Variants in PDLIM3 observed in about 807,000 individuals in gnomAD.
The protein encoded by PDLIM3 is PDZ and LIM domain protein 3.
A neutral mutation model predicts 37.3 loss-of-function variants in PDLIM3; 36 were observed. The observed-to-expected ratio is 0.97, with a 90% CI of 0.74 to 1.28. PDLIM3 has a LOEUF of 1.28. Among genes scored for constraint, PDLIM3 ranks in the 50% most tolerant of loss-of-function variants. PDLIM3 has a pLI of 0.00. For synonymous variants in PDLIM3, 174 were observed against 182.4 expected, an observed-to-expected ratio of 0.95 and a Z score of 0.37; for missense variants, 454 against 485.0, an observed-to-expected ratio of 0.94 and a Z score of 0.60.
At chr4:185,512,989 C>T in intron 4 of PDLIM3, 3 of 985,360 alleles carry the variant, frequency 3.0e-6, no homozygotes, top group Non-Finnish European at 3.6e-6. Context: ...TTGCCACTTG[C>T]TTGGGAAATG....
At chr4:185,528,887 G>T (rs949371651) in intron 1 of PDLIM3, among the ~76,000 whole-genome samples, 1 of 152,246 alleles carries the variant, frequency 6.6e-6, no homozygotes, top group East Asian at 1.9e-4. Flanking sequence ...TAAGTTAAAC[G>T]ATCTGTTTTC....
At chr4:185,523,494 C>CA (rs1301528314) in intron 2 of PDLIM3, 48 bp from the exon 3 acceptor site, 1 of 1,153,506 alleles carries the variant, frequency 8.7e-7, no homozygotes, top group Non-Finnish European at 1.3e-6. Context: ...ATGGTACTTT[C>CA]AGTTTTAGCA....
chr4:185,534,627 C>T (rs192852047), intron 1 of PDLIM3, among the ~76,000 whole-genome samples: 1 of 152,268 alleles, frequency 6.6e-6, no homozygotes, highest in East Asian at 1.9e-4. Flanking sequence ...CATTATTTTC[C>T]GTTTTAGGCT....
intron 1 of PDLIM3, among the ~76,000 whole-genome samples, chr4:185,525,468 T>G (rs1203243456): frequency 1.3e-5 from 2 of 152,228 alleles, no homozygotes; most frequent in African/African-American, 4.8e-5. Context: ...TAAAAAATTA[T>G]TTTTTATTTT....
chr4:185,513,689 A>C, intron 4 of PDLIM3: 3 of 1,000,086 alleles, frequency 3.0e-6, no homozygotes, highest in Admixed American at 5.3e-5. Flanking sequence ...AGCTGAGGTC[A>C]GAAGGATGGA....
chr4:185,515,121 A>T lies in PDLIM3; in HGVS notation c.331-784T>A, dbSNP rs543255164. ...TGAAAAGGAACTGACCTTATTTAACATATTATAAAATAATTTAAACATTGC... is the reference window on the plus strand; with the variant it reads ...TGAAAAGGAACTGACCTTATTTAACTTATTATAAAATAATTTAAACATTGC... On this transcript the variant is annotated intron_variant, in intron 3 of 7. Transcript: ENST00000284767. 36 of 328,716 alleles carry T rather than the reference A, an allele frequency of 1.1e-4. No individual in the cohort carries two copies. The East Asian group carries it at 1.6e-3, about 15-fold the overall frequency. The allele number at this position is 328,716 out of a possible 1,614,324, so 20.4% of individuals were successfully genotyped here.
intron 4 of PDLIM3, among the ~76,000 whole-genome samples, chr4:185,511,928 T>G (rs2095707214): frequency 6.6e-6 from 1 of 152,100 alleles, no homozygotes; most frequent in Admixed American, 6.6e-5. Flanking sequence ...AAAACTACAT[T>G]TGTTTTAAAA....
Position 185,504,281 on chromosome 4 carries a change from T to A in PDLIM3, c.905+194A>T, listed in dbSNP as rs1403589639. Among the ~76,000 whole-genome samples the A allele has an allele frequency of 1.3e-5, 2 of 152,168 alleles. No individual in the cohort carries two copies. Among genetic ancestry groups the A allele is most frequent in the African/African-American group, 4.8e-5 (2 of 41,438 alleles). On this transcript the variant is annotated intron_variant, in intron 7 of 7. Transcript: ENST00000284767. The surrounding 1 kb of genome is among the most constrained non-coding windows in gnomAD (Gnocchi z 4.7). ...ATTGTAAGTCAAAATTGCTGACTCA[T>A]GTGATGTGACAATTTGGAGGTATAT...
chr4:185,508,275 A>G (rs372460406), intron 5 of PDLIM3, 24 bp downstream of exon 5: 32 of 1,611,688 alleles, frequency 2.0e-5, no homozygotes, highest in Admixed American at 3.3e-5. Flanking sequence ...TAATATGCCC[A>G]TGGTTCAAAG....
intron 3 of PDLIM3, chr4:185,515,135 T>C (rs2153335838): frequency 3.3e-6 from 1 of 301,132 alleles, no homozygotes; most frequent in East Asian, 5.7e-5. Context: ...TATAAAATAA[T>C]TTAAACATTG....
Position 185,521,379 on chromosome 4 carries a change from A to G in PDLIM3, c.330+1983T>C, listed in dbSNP as rs1299435572. 4.1e-5 allele frequency among the ~76,000 whole-genome samples: 2 copies of G among 49,140 alleles called. 1 individual carries two copies. Among genetic ancestry groups the G allele is most frequent in the Non-Finnish European group, 1.7e-4 (2 of 11,726 alleles). 32.2% of individuals were successfully genotyped at this position (49,140 alleles called of 152,430 possible). A position where few individuals can be genotyped will look rare whatever the true frequency, so the allele number is the denominator to read the frequency against. The stretch of plus-strand genomic sequence containing the variant: ...AAGTCTTACCTAGCCTAAGTATCCC[A>G]CTCAACTTTCTTTTCTTTTCTTTTT... On this transcript the variant is annotated intron_variant, in intron 3 of 7. Transcript: ENST00000284767.
intron 1 of PDLIM3, among the ~76,000 whole-genome samples, chr4:185,529,311 G>T (rs992768478): frequency 2.0e-5 from 3 of 151,962 alleles, no homozygotes; most frequent in African/African-American, 4.8e-5. Context: ...TATATTACTT[G>T]GATCTGTTGG....
Position 185,522,912 on chromosome 4 carries a change from TAAA to T in PDLIM3, c.330+447_330+449del, listed in dbSNP as rs1436003014. Among the ~76,000 whole-genome samples, 2 of 25,422 alleles carry T rather than the reference TAAA, an allele frequency of 7.9e-5. 1 individual carries two copies. The highest frequency in any genetic ancestry group is 2.0e-3 in the Admixed American group (2 of 1,006). 16.7% of individuals were successfully genotyped at this position (25,422 alleles called of 152,430 possible). ...ATTACAGAATCCCAGAAATGAGAAT[TAAA>T]GAAGAATGTAGAATGAGATCTGGGT... is the stretch of plus-strand genomic sequence containing the variant. On this transcript the variant is annotated intron_variant, in intron 3 of 7. Coordinates refer to ENST00000284767, the MANE Select transcript of PDLIM3 (RefSeq NM_014476.6).
At chr4:185,511,783 C>T (rs2095706998) in intron 4 of PDLIM3, among the ~76,000 whole-genome samples, 1 of 152,118 alleles carries the variant, frequency 6.6e-6, no homozygotes, top group Non-Finnish European at 1.5e-5. Flanking sequence ...GTGGAATGTT[C>T]CAAAGCACAA....
Position 185,504,412 on chromosome 4 carries a change from AG to A in PDLIM3, c.905+62del. Reference sequence around the variant, plus strand: ...TTGCCTTTAGTCTATAAAGTCTTAAAGGAGAAGAAATGAACTGTCGCCAAGC... The same window carrying A: ...TTGCCTTTAGTCTATAAAGTCTTAAAGAGAAGAAATGAACTGTCGCCAAGC... On this transcript the variant is annotated intron_variant, in intron 7 of 7. Transcript: ENST00000284767. The surrounding 1 kb of genome is among the most constrained non-coding windows in gnomAD (Gnocchi z 4.7). 7.4e-7 allele frequency: 1 copy of A among 1,358,428 alleles called. No homozygotes were observed. Among genetic ancestry groups the A allele is most frequent in the South Asian group, 1.2e-5 (1 of 83,768 alleles). The allele number at this position is 1,358,428 out of a possible 1,614,324, so 84.1% of individuals were successfully genotyped here. A position where few individuals can be genotyped will look rare whatever the true frequency, so the allele number is the denominator to read the frequency against.
Position 185,514,504 on chromosome 4 carries a change from T to A in PDLIM3, c.331-167A>T. The A allele has an allele frequency of 7.0e-7, 1 of 1,436,136 alleles. No individual in the cohort carries two copies. The highest frequency in any genetic ancestry group is 9.6e-7 in the Non-Finnish European group (1 of 1,045,768). The allele number at this position is 1,436,136 out of a possible 1,614,324, so 89.0% of individuals were successfully genotyped here. The stretch of plus-strand genomic sequence containing the variant: ...ACGATGTCTTCTTTCCAACCATCTA[T>A]CCGCTAAACGGTCAGGCACTGGCGG... On this transcript the variant is annotated intron_variant, in intron 3 of 7. Transcript: ENST00000284767. The surrounding 1 kb of genome is among the most constrained non-coding windows in gnomAD (Gnocchi z 4.0).
chr4:185,525,423 A>G (rs2095731512), intron 1 of PDLIM3, among the ~76,000 whole-genome samples: 1 of 152,208 alleles, frequency 6.6e-6, no homozygotes, highest in South Asian at 2.1e-4. Context: ...AACATCTTAC[A>G]TAATTCCCAG....
chr4:185,526,237 G>A (rs187424795), intron 1 of PDLIM3, among the ~76,000 whole-genome samples: 241 of 152,254 alleles, frequency 1.6e-3, no homozygotes, highest in African/African-American at 5.4e-3. Context: ...CAGAACTCCC[G>A]GAAACCAGAG....
At position 185,514,777 on chromosome 4, in the gene PDLIM3, C is replaced by A. The variant is rs1251011992; in HGVS notation, c.331-440G>T. On this transcript the variant is annotated intron_variant, in intron 3 of 7. Transcript: ENST00000284767. This position sits in a 1 kb window ranked among gnomAD's most constrained non-coding sequence, Gnocchi z 4.0. ...CTTGTATATTGCTAGTTGAATAGAG[C>A]CCAATTGGCGAGTTATAGGAAGCGC... 29 of 1,551,804 alleles carry A rather than the reference C, an allele frequency of 1.9e-5. No homozygotes were observed. Among genetic ancestry groups the A allele is most frequent in the East Asian group, 2.4e-5 (1 of 40,938 alleles).
Sources: allele counts gnomAD v4.1 joint callset (sites outside exome capture counted in the v4.1 genomes callset), GRCh38; gene constraint gnomAD v4.1.1; non-coding constraint Gnocchi (gnomAD v3.1); transcripts MANE v1.5; gene names NCBI Gene and HGNC (gene_info 2026-07-23, HGNC 2026-07-21).